Variants in TMEM117 observed in about 807,000 individuals in gnomAD.
TMEM117 encodes the protein transmembrane protein 117.
A neutral mutation model predicts 52.4 loss-of-function variants in TMEM117; 27 were observed. The ratio of observed to expected loss-of-function variants is 0.51; its 90% CI spans 0.38 to 0.71. TMEM117 has a LOEUF of 0.71. Among genes scored for constraint, TMEM117 ranks in the 30% least tolerant of loss-of-function variants. The pLI, the probability that TMEM117 is intolerant of heterozygous loss-of-function variation, is 0.00. For synonymous variants in TMEM117, 215 were observed against 206.3 expected, an observed-to-expected ratio of 1.04 and a Z score of -0.36; for missense variants, 556 against 630.5, an observed-to-expected ratio of 0.88 and a Z score of 1.26.
At chr12:44,227,547 G>C (rs1030932062) in intron 5 of TMEM117, among the ~76,000 whole-genome samples, 7 of 152,084 alleles carry the variant, frequency 4.6e-5, no homozygotes, top group Non-Finnish European at 1.5e-5. Flanking sequence ...ATGGGTTTTG[G>C]GGTTGGCTAG....
chr12:44,322,404 C>T (rs1382464593), intron 6 of TMEM117, among the ~76,000 whole-genome samples: 1 of 152,132 alleles, frequency 6.6e-6, no homozygotes, highest in African/African-American at 2.4e-5. Flanking sequence ...TCTCTGTTTT[C>T]TTCTCAGAGT....
At chr12:43,903,640 C>G (rs940965371) in intron 2 of TMEM117, among the ~76,000 whole-genome samples, 1 of 152,128 alleles carries the variant, frequency 6.6e-6, no homozygotes, top group Non-Finnish European at 1.5e-5. Flanking sequence ...TAGGGGAACT[C>G]TGACATTAAA....
intron 7 of TMEM117, among the ~76,000 whole-genome samples, chr12:44,377,834 C>T (rs1951963554): frequency 6.6e-6 from 1 of 152,230 alleles, no homozygotes; most frequent in African/African-American, 2.4e-5. Context: ...TGCAATAAAC[C>T]TTTGCTTCCC....
At chr12:44,294,024 G>A (rs1950737344) in intron 5 of TMEM117, among the ~76,000 whole-genome samples, 1 of 152,068 alleles carries the variant, frequency 6.6e-6, no homozygotes, top group African/African-American at 2.4e-5. Context: ...TAGCTTCTGT[G>A]GAAAAGTCCT....
chr12:44,114,118 A>G (rs113593832), intron 3 of TMEM117, among the ~76,000 whole-genome samples: 15,171 of 148,826 alleles, frequency 0.1, 2,059 homozygotes, highest in African/African-American at 0.33. Context: ...GGCACTCCCT[A>G]GTGAGATGAA....
intron 3 of TMEM117, among the ~76,000 whole-genome samples, chr12:43,955,250 T>C (rs1386138501): frequency 6.6e-6 from 1 of 152,178 alleles, no homozygotes; most frequent in Non-Finnish European, 1.5e-5. Context: ...GGATGCCCTG[T>C]CTCACTACTC....
chr12:44,226,724 C>T (rs909430240), intron 5 of TMEM117, among the ~76,000 whole-genome samples: 4 of 152,020 alleles, frequency 2.6e-5, no homozygotes, highest in African/African-American at 9.7e-5. Flanking sequence ...GATACAGACA[C>T]ACACAGAGTG....
the TMEM117 span, among the ~76,000 whole-genome samples, chr12:43,818,353 A>G: frequency 2.6e-5 from 4 of 151,756 alleles, no homozygotes; most frequent in Middle Eastern, 3.4e-3. Flanking sequence ...TTTATAAACA[A>G]TCTGCTCCCC....
chr12:44,307,932 C>T (rs1215444336), intron 6 of TMEM117, among the ~76,000 whole-genome samples: 2 of 152,146 alleles, frequency 1.3e-5, no homozygotes, highest in Non-Finnish European at 2.9e-5. Context: ...GAGTGACAAA[C>T]GCATTCACTT....
intron 3 of TMEM117, among the ~76,000 whole-genome samples, chr12:44,137,118 A>G (rs963970681): frequency 6.6e-5 from 10 of 151,874 alleles, no homozygotes; most frequent in African/African-American, 2.2e-4. Flanking sequence ...AAAAAGATAC[A>G]TGTTTATTAC....
rs563334245 is a variant in TMEM117, at chr12:44,069,087, T to A, written c.411-74438T>A. 5.1e-4 allele frequency among the ~76,000 whole-genome samples: 77 copies of A among 152,322 alleles called. No individual in the cohort carries two copies. In the South Asian group the frequency reaches 8.1e-3, roughly 16 times the overall value. ...TTTATGGTTTTTAGTTATGTTTATT[T>A]AGGTGATGACTGACTATGCATATTG... On this transcript the variant is annotated intron_variant, in intron 3 of 7. Transcript: ENST00000266534.
chr12:44,374,249 T>C (rs751677830), intron 6 of TMEM117, among the ~76,000 whole-genome samples: 1 of 151,568 alleles, frequency 6.6e-6, no homozygotes, highest in Non-Finnish European at 1.5e-5. Flanking sequence ...AAAATCAGAG[T>C]AGTAGAGAGA....
chr12:44,128,340 G>A (rs1446117061), intron 3 of TMEM117, among the ~76,000 whole-genome samples: 2 of 152,114 alleles, frequency 1.3e-5, no homozygotes, highest in African/African-American at 4.8e-5. Context: ...GAAGAATTAG[G>A]CTTCTCTCAT....
chr12:44,299,657 G>A lies in TMEM117; in HGVS notation c.686G>A (p.Arg229Gln), dbSNP rs756921980. The change falls in exon 6 of 8, where the codon CGG becomes CAG. Residue 229 changes from arginine to glutamine, a missense_variant. Coordinates refer to ENST00000266534, the MANE Select transcript of TMEM117 (RefSeq NM_032256.3). ...TDWISWDKLN[R>Q]GFLPSDEVSR... Reference sequence around the variant, plus strand: ...TGGATCAGCTGGGACAAGCTGAATCGGGGATTTTTGCCCAGTGATGAAGTT... The same window carrying A: ...TGGATCAGCTGGGACAAGCTGAATCAGGGATTTTTGCCCAGTGATGAAGTT... 5.0e-6 allele frequency: 8 copies of A among 1,614,038 alleles called. No homozygotes were observed. The highest frequency in any genetic ancestry group is 2.7e-5 in the African/African-American group (2 of 74,924).
intron 5 of TMEM117, among the ~76,000 whole-genome samples, chr12:44,238,109 C>T (rs1378285922): frequency 6.6e-6 from 1 of 152,112 alleles, no homozygotes; most frequent in East Asian, 1.9e-4. Context: ...TGATTAAATT[C>T]TCACATCTCT....
intron 6 of TMEM117, among the ~76,000 whole-genome samples, chr12:44,360,514 T>C (rs1592717806): frequency 6.7e-6 from 1 of 148,264 alleles, no homozygotes; most frequent in Admixed American, 6.8e-5. Context: ...TTGCAGTGAG[T>C]CGAGATCACA....
intron 3 of TMEM117, among the ~76,000 whole-genome samples, chr12:44,025,254 A>G (rs1054010017): frequency 6.6e-6 from 1 of 152,212 alleles, no homozygotes; most frequent in African/African-American, 2.4e-5. Flanking sequence ...AGTTGAACAG[A>G]TACGGTTCAG....
At chr12:44,165,309 A>G (rs2138266155) in intron 4 of TMEM117, among the ~76,000 whole-genome samples, 1 of 152,368 alleles carries the variant, frequency 6.6e-6, no homozygotes, top group Non-Finnish European at 1.5e-5. Flanking sequence ...AAAGGAATAG[A>G]TGATACATAA....
At chr12:43,874,742 T>TTAGG (rs1443689595) in intron 2 of TMEM117, among the ~76,000 whole-genome samples, 5 of 152,240 alleles carry the variant, frequency 3.3e-5, no homozygotes, top group Admixed American at 3.3e-4. Context: ...GTTTTTCAGT[T>TTAGG]TAAGTCCTTT....
Sources: allele counts gnomAD v4.1 joint callset (sites outside exome capture counted in the v4.1 genomes callset), GRCh38; gene constraint gnomAD v4.1.1; transcripts MANE v1.5; gene names NCBI Gene and HGNC (gene_info 2026-07-23, HGNC 2026-07-21).